ATAD3B: variants seen among roughly 807,000 people sequenced by gnomAD.
ATAD3B encodes the protein ATPase family AAA domain-containing protein 3B.
ATAD3B carries 59 observed loss-of-function variants against 70.2 expected under a neutral mutation model. That is an observed-to-expected ratio of 0.84 (90% CI 0.68 to 1.04). The LOEUF (loss-of-function observed/expected upper bound fraction) is 1.04, where lower values mean the gene tolerates loss of function less well. Ranked by LOEUF, ATAD3B falls within the 50% of genes least tolerant of loss-of-function variation. The pLI is 0.00. For missense variants in ATAD3B, 961 were observed against 913.4 expected, an observed-to-expected ratio of 1.05 and a Z score of -0.67; for synonymous variants, 423 against 388.6, an observed-to-expected ratio of 1.09 and a Z score of -1.04.
At chr1:1,485,992 C>T in intron 9 of ATAD3B, 118 bp from the exon 10 acceptor site, 1 of 1,590,640 alleles carries the variant, frequency 6.3e-7, no homozygotes, top group East Asian at 2.2e-5. Context: ...ATAGGCTGCC[C>T]ACGAGCTGGG....
At chr1:1,509,169 A>G in the ATAD3B span, 13 of 1,606,640 alleles carry the variant, frequency 8.1e-6, no homozygotes, top group African/African-American at 1.4e-5. Context: ...GGGGGTTCCC[A>G]TGGCGGCCTC....
chr1:1,499,940 G>A (rs574256319), downstream of ATAD3B, among the ~76,000 whole-genome samples: 77 of 145,846 alleles, frequency 5.3e-4, no homozygotes, highest in African/African-American at 1.8e-3. Flanking sequence ...TGTTGCCCAG[G>A]CTGGAGTCGT....
At chr1:1,504,739 G>T in the ATAD3B span, among the ~76,000 whole-genome samples, 1 of 152,120 alleles carries the variant, frequency 6.6e-6, no homozygotes, top group Non-Finnish European at 1.5e-5. Context: ...CAGCTCTGAA[G>T]ACTACAGGCC....
downstream of ATAD3B, among the ~76,000 whole-genome samples, chr1:1,498,471 AAAAAAT>A (rs1431414590): frequency 9.2e-5 from 14 of 151,998 alleles, no homozygotes; most frequent in South Asian, 4.2e-4. Flanking sequence ...AAAATAAATT[AAAAAAT>A]AAAAATAAAA....
At chr1:1,488,015 C>A in intron 12 of ATAD3B, 101 bp downstream of exon 12, 1 of 1,510,710 alleles carries the variant, frequency 6.6e-7, no homozygotes, top group South Asian at 1.1e-5. Context: ...CTTGCAGTGG[C>A]GCAATCTTGG....
At position 1,490,475 on chromosome 1, in the gene ATAD3B, G is replaced by A. The variant is rs371487042; in HGVS notation, c.1505+51G>A. On this transcript the variant is annotated intron_variant, in intron 14 of 15. Transcript: ENST00000673477. ...CCAATCCAGGCACCATATGGCATGG[G>A]TGTAGGCCAGCTGCCTGTCTTCCGG... 7.4e-6 allele frequency: 12 copies of A among 1,611,228 alleles called. No individual in the cohort carries two copies. In the African/African-American group the frequency reaches 1.6e-4, roughly 21 times the overall value.
intron 15 of ATAD3B, among the ~76,000 whole-genome samples, chr1:1,493,961 T>A (rs1446357882): frequency 1.3e-5 from 2 of 151,996 alleles, no homozygotes; most frequent in African/African-American, 4.8e-5. Context: ...GTTCTTCAAT[T>A]TGTCCAAGAG....
chr1:1,500,816 G>C (rs1434900241), downstream of ATAD3B, among the ~76,000 whole-genome samples: 3 of 151,640 alleles, frequency 2.0e-5, no homozygotes, highest in South Asian at 6.3e-4. Context: ...AATTAGCCGG[G>C]CGTGGTAGCA....
chr1:1,488,129 G>A (rs1199058678), intron 12 of ATAD3B, among the ~76,000 whole-genome samples: 1 of 151,954 alleles, frequency 6.6e-6, no homozygotes, highest in Non-Finnish European at 1.5e-5. Flanking sequence ...TAAGTTTTTT[G>A]TATTTTTAGT....
Position 1,495,774 on chromosome 1 carries a change from G to T in ATAD3B, c.1904G>T (p.Gly635Val). 1 of 1,605,810 alleles carries T rather than the reference G, an allele frequency of 6.2e-7. No homozygotes were observed. ...PGPLSPRMSC[G>V]GGRPFCPPGH... ...CCTCTGTCCCCCAGGATGTCTTGTGGTGGCGGTCGGCCGTTCTGCCCCCCA... is the reference window on the plus strand; with the variant it reads ...CCTCTGTCCCCCAGGATGTCTTGTGTTGGCGGTCGGCCGTTCTGCCCCCCA... Residue 635 changes from glycine to valine, a missense_variant, in exon 16 of 16, where the codon GGT becomes GTT. Gly to Val is a moderately radical substitution (Grantham distance 109). Around this residue, in one of 4 missense-constraint regions of ATAD3B, gnomAD observed 417 missense variants for 335.0 expected, o/e 1.24. Coordinates refer to ENST00000673477, the MANE Select transcript of ATAD3B (RefSeq NM_031921.6).
chr1:1,501,457 G>T (rs376870200), downstream of ATAD3B, among the ~76,000 whole-genome samples: 6 of 152,090 alleles, frequency 3.9e-5, no homozygotes, highest in Admixed American at 3.9e-4. Flanking sequence ...GGGTTTCACC[G>T]TGTTATCCAG....
At position 1,485,845 on chromosome 1, in the gene ATAD3B, C is replaced by T. The variant is rs374252765; in HGVS notation, c.963+7C>T. On this transcript the variant is annotated splice_region_variant and intron_variant, in intron 9 of 15. Transcript: ENST00000673477. Reference sequence around the variant, plus strand: ...GGAGGGTGTTGTGCTTAGTGTAAGTCGGTGTGCCTGGGACCGGGGAGGTGC... The same window carrying T: ...GGAGGGTGTTGTGCTTAGTGTAAGTTGGTGTGCCTGGGACCGGGGAGGTGC... 98 of 1,612,828 alleles carry T rather than the reference C, an allele frequency of 6.1e-5. No homozygotes were observed. The highest frequency in any genetic ancestry group is 7.5e-5 in the Non-Finnish European group (89 of 1,179,500).
downstream of ATAD3B, among the ~76,000 whole-genome samples, chr1:1,498,852 A>G (rs540245998): frequency 1.3e-5 from 2 of 151,748 alleles, no homozygotes; most frequent in East Asian, 1.9e-4. Context: ...CAGCTGCGAA[A>G]TTTACTTCTA....
In ATAD3B at chr1:1,486,603, C is replaced by T; in HGVS notation, c.1149C>T (p.Pro383=). The T allele has an allele frequency of 1.2e-6, 2 of 1,611,514 alleles. No individual in the cohort carries two copies. The highest frequency in any genetic ancestry group is 1.1e-5 in the South Asian group (1 of 90,992). ...YAIMTGGDVA[P]MGREGVTAMH... The stretch of plus-strand genomic sequence containing the variant: ...TCATGACAGGCGGGGACGTGGCCCC[C>T]ATGGGGCGGGAAGGCGTGACCGCCA... The change falls in exon 11 of 16, where the codon CCC becomes CCT. Residue 383 remains proline, a synonymous_variant. Transcript: ENST00000673477.
At chr1:1,489,080 T>G (rs1640387535) in intron 12 of ATAD3B, 124 bp from the exon 13 acceptor site, 6 of 1,521,430 alleles carry the variant, frequency 3.9e-6, no homozygotes, top group Non-Finnish European at 4.5e-6. Flanking sequence ...GATTTTGAGT[T>G]TAGATCCATG....
the ATAD3B span, among the ~76,000 whole-genome samples, chr1:1,506,782 T>G: frequency 6.7e-6 from 1 of 149,572 alleles, no homozygotes; most frequent in African/African-American, 2.5e-5. Context: ...AGGATTTTCT[T>G]TTTTCTTTTT....
chr1:1,489,222 C>T lies in ATAD3B; in HGVS notation c.1285C>T (p.Leu429Phe). ...TCTGCAGGAGGAGATAAGCAAGGAC[C>T]TCAGAGCCACACTGAACGCCTTCCT... ...KRATEEISKD[L>F]RATLNAFLYH... The change falls in exon 13 of 16, where the codon CTC becomes TTC. Residue 429 changes from leucine to phenylalanine, a missense_variant. Physicochemically the swap from Leu to Phe is conservative, Grantham distance 22 (BLOSUM62 0). Around this residue, in one of 4 missense-constraint regions of ATAD3B, gnomAD observed 417 missense variants for 335.0 expected, o/e 1.24. Coordinates refer to ENST00000673477, the MANE Select transcript of ATAD3B (RefSeq NM_031921.6). 6.2e-7 allele frequency: 1 copy of T among 1,613,560 alleles called. No individual in the cohort carries two copies. The highest frequency in any genetic ancestry group is 8.5e-7 in the Non-Finnish European group (1 of 1,179,634).
At chr1:1,482,656 G>C (rs771990240) in intron 7 of ATAD3B, 42 bp downstream of exon 7, 43 of 1,612,672 alleles carry the variant, frequency 2.7e-5, no homozygotes, top group Non-Finnish European at 3.1e-5. Flanking sequence ...TGGCTGAGAG[G>C]CAGCATGTGG....
At position 1,480,902 on chromosome 1, in the gene ATAD3B, G is replaced by A. The variant is rs1639878181; in HGVS notation, c.480G>A (p.Glu160=). 5 of 1,593,664 alleles carry A rather than the reference G, an allele frequency of 3.1e-6. 1 individual carries two copies. Among genetic ancestry groups the A allele is most frequent in the Non-Finnish European group, 3.4e-6 (4 of 1,171,912 alleles). The change falls in exon 5 of 16, where the codon GAG becomes GAA. Residue 160 remains glutamate, a synonymous_variant. Transcript: ENST00000673477. ...ATGAGGAGAATTTACGGAAGCAGGAGGAGTCCGTGCAGAAGCAGGAAGCCA... is the reference window on the plus strand; with the variant it reads ...ATGAGGAGAATTTACGGAAGCAGGAAGAGTCCGTGCAGAAGCAGGAAGCCA... The part of the protein sequence containing the change: ...LLNEENLRKQ[E]ESVQKQEAMR...
Sources: gnomAD v4.1 joint callset for allele counts (sites outside exome capture counted in the v4.1 genomes callset) on GRCh38, gnomAD v4.1.1 for gene constraint, gnomAD v4.1.1 regional missense constraint, MANE v1.5 for transcripts, NCBI Gene and HGNC (gene_info 2026-07-23, HGNC 2026-07-21) for gene names.